Variants in KCNIP4 observed in about 807,000 individuals in gnomAD.
KCNIP4 encodes potassium voltage-gated channel interacting protein 4.
KCNIP4 carries 12 observed loss-of-function variants against 34.0 expected under a neutral mutation model. The ratio of observed to expected loss-of-function variants is 0.35; its 90% CI spans 0.23 to 0.57. KCNIP4 has a LOEUF of 0.57. Ranked by LOEUF, KCNIP4 falls within the 20% of genes least tolerant of loss-of-function variation. KCNIP4 has a pLI of 0.83. For synonymous variants in KCNIP4, 124 were observed against 102.2 expected, an observed-to-expected ratio of 1.21 and a Z score of -1.29; for missense variants, 238 against 311.7, an observed-to-expected ratio of 0.76 and a Z score of 1.78.
chr4:21,345,519 A>G (rs1872455), intron 1 of KCNIP4, among the ~76,000 whole-genome samples: 40,473 of 152,088 alleles, frequency 0.27, 5,807 homozygotes, highest in Middle Eastern at 0.41. Context: ...ATTCTGATTT[A>G]TTAATCAAAC....
At chr4:21,578,340 A>AC (rs2109065904) in intron 1 of KCNIP4, among the ~76,000 whole-genome samples, 1 of 145,768 alleles carries the variant, frequency 6.9e-6, no homozygotes, top group African/African-American at 2.7e-5. Context: ...CTCAAAAAAA[A>AC]AAAAAAAAAA....
At chr4:21,215,398 A>T (rs1293178350) in intron 1 of KCNIP4, among the ~76,000 whole-genome samples, 3 of 152,220 alleles carry the variant, frequency 2.0e-5, no homozygotes, top group Admixed American at 6.5e-5. Context: ...ACTAAAAGAC[A>T]TATTCATTGA....
intron 1 of KCNIP4, among the ~76,000 whole-genome samples, chr4:20,893,518 G>C (rs1726169860): frequency 6.6e-6 from 1 of 152,096 alleles, no homozygotes; most frequent in African/African-American, 2.4e-5. Context: ...GAACTCCTGG[G>C]CTCAAGTGAT....
intron 1 of KCNIP4, among the ~76,000 whole-genome samples, chr4:21,124,548 C>A (rs546397004): frequency 6.6e-6 from 1 of 151,970 alleles, no homozygotes; most frequent in African/African-American, 2.4e-5. Context: ...CTTGAGTTGG[C>A]CATTTAGTAT....
chr4:21,289,127 A>G (rs758700755), intron 1 of KCNIP4, among the ~76,000 whole-genome samples: 5 of 152,228 alleles, frequency 3.3e-5, no homozygotes, highest in Non-Finnish European at 7.3e-5. Flanking sequence ...TATTTAGTTT[A>G]GATTCTAAAA....
At chr4:21,387,674 C>T (rs113264512) in intron 1 of KCNIP4, among the ~76,000 whole-genome samples, 32 of 152,234 alleles carry the variant, frequency 2.1e-4, no homozygotes, top group African/African-American at 7.2e-4. Context: ...TTGCTTGGGA[C>T]TATAAGGTTT....
Position 21,144,321 on chromosome 4 carries a change from TAA to T in KCNIP4, c.62-261614_62-261613del, listed in dbSNP as rs534578137. On this transcript the variant is annotated intron_variant, in intron 1 of 8. Transcript: ENST00000382152. ...TTGATGTACTTATTTTATATCTGTATAAGAGTCATTATTTTACCCTTTTATAA... is the reference window on the plus strand; with the variant it reads ...TTGATGTACTTATTTTATATCTGTATGAGTCATTATTTTACCCTTTTATAA... Among the ~76,000 whole-genome samples, 375 of 152,298 alleles carry T rather than the reference TAA, an allele frequency of 2.5e-3. 1 individual carries two copies. The highest frequency in any genetic ancestry group is 4.3e-3 in the Non-Finnish European group (291 of 68,020).
intron 1 of KCNIP4, among the ~76,000 whole-genome samples, chr4:20,900,819 A>G (rs1727084056): frequency 1.3e-5 from 2 of 152,210 alleles, no homozygotes; most frequent in South Asian, 4.2e-4. Context: ...GAAAAAAAAA[A>G]CACCCAAGGA....
At chr4:21,324,222 T>C (rs938109354) in intron 1 of KCNIP4, among the ~76,000 whole-genome samples, 12 of 152,002 alleles carry the variant, frequency 7.9e-5, no homozygotes, top group Non-Finnish European at 1.8e-4. Context: ...TTGACTGTTT[T>C]CTTTGCTGTG....
chr4:21,588,450 A>C (rs1359542667), intron 1 of KCNIP4, among the ~76,000 whole-genome samples: 2 of 152,034 alleles, frequency 1.3e-5, no homozygotes, highest in African/African-American at 4.8e-5. Context: ...CTAATTAGGT[A>C]TGTGAGGTTT....
chr4:20,880,813 C>A (rs978781265), intron 2 of KCNIP4, among the ~76,000 whole-genome samples: 2 of 152,110 alleles, frequency 1.3e-5, no homozygotes, highest in African/African-American at 2.4e-5. Flanking sequence ...GCTTCAATAT[C>A]ATGTAGGATT....
chr4:21,731,114 C>CAAAAAA lies in KCNIP4; in HGVS notation c.61+217451_61+217456dup, dbSNP rs36075428. Among the ~76,000 whole-genome samples, 351 of 135,128 alleles carry CAAAAAA rather than the reference C, an allele frequency of 2.6e-3. 3 individuals carry two copies. The highest frequency in any genetic ancestry group is 9.4e-3 in the African/African-American group (337 of 35,882). The allele number at this position is 135,128 out of a possible 152,430, so 88.6% of individuals were successfully genotyped here. A position where few individuals can be genotyped will look rare whatever the true frequency, so the allele number is the denominator to read the frequency against. ...GGGCAACTGAAGTAAGAACCTGTCT[C>CAAAAAA]AAAAAAAAAAAAAAAATCCATTGTG... On this transcript the variant is annotated intron_variant, in intron 1 of 8. Transcript: ENST00000382152.
rs60906086 is a variant in KCNIP4, at chr4:21,150,341, G to T, written c.62-267632C>A. ...ATACACTGTACCAATGGCTGAGAGG[G>T]AGGCAGGACTGAGGCAGAGAGGCCA... On this transcript the variant is annotated intron_variant, in intron 1 of 8. Coordinates refer to ENST00000382152, the MANE Select transcript of KCNIP4 (RefSeq NM_025221.6). Among the ~76,000 whole-genome samples, 487 of 151,668 alleles carry T rather than the reference G, an allele frequency of 3.2e-3. 39 individuals carry two copies. Among genetic ancestry groups the T allele is most frequent in the African/African-American group, 0.011 (458 of 40,950 alleles).
At chr4:21,285,554 C>T (rs1386394853) in intron 1 of KCNIP4, among the ~76,000 whole-genome samples, 4 of 152,036 alleles carry the variant, frequency 2.6e-5, no homozygotes, top group East Asian at 1.9e-4. Flanking sequence ...CAAGGCCGGG[C>T]GTGGTGGCTC....
At chr4:21,026,528 C>G (rs1740572403) in intron 1 of KCNIP4, among the ~76,000 whole-genome samples, 1 of 152,076 alleles carries the variant, frequency 6.6e-6, no homozygotes, top group Admixed American at 6.6e-5. Context: ...GTGGCATGTG[C>G]CTGTGATCCC....
chr4:21,135,583 C>T (rs542747485), intron 1 of KCNIP4, among the ~76,000 whole-genome samples: 12 of 152,270 alleles, frequency 7.9e-5, no homozygotes, highest in African/African-American at 2.2e-4. Flanking sequence ...CTGCAAAATC[C>T]TAAAATGTTA....
chr4:21,503,698 T>C (rs1460470466), intron 1 of KCNIP4, among the ~76,000 whole-genome samples: 2 of 152,104 alleles, frequency 1.3e-5, no homozygotes, highest in South Asian at 2.1e-4. Context: ...AAGTGACTGA[T>C]AGAAGGATTT....
At chr4:21,508,838 C>A (rs144672689) in intron 1 of KCNIP4, among the ~76,000 whole-genome samples, 1 of 152,152 alleles carries the variant, frequency 6.6e-6, no homozygotes, top group Non-Finnish European at 1.5e-5. Flanking sequence ...CTCTAGGATA[C>A]CACCTTCCTT....
intron 1 of KCNIP4, among the ~76,000 whole-genome samples, chr4:21,451,933 T>G (rs1728537655): frequency 6.6e-6 from 1 of 152,144 alleles, no homozygotes; most frequent in African/African-American, 2.4e-5. Context: ...TGATTGGAGA[T>G]TCTCATTCAT....
Sources: allele counts gnomAD v4.1 joint callset (sites outside exome capture counted in the v4.1 genomes callset), GRCh38; gene constraint gnomAD v4.1.1; transcripts MANE v1.5; gene names NCBI Gene and HGNC (gene_info 2026-07-23, HGNC 2026-07-21).